Variants in RFFL observed in about 807,000 individuals in gnomAD.
RFFL encodes the protein ring finger and FYVE like domain containing E3 ubiquitin protein ligase.
In RFFL, 16 loss-of-function variants were observed where a neutral mutation model predicts 40.4. The observed-to-expected ratio is 0.40, with a 90% confidence interval of 0.27 to 0.60. The LOEUF is 0.60. Ranked by LOEUF, RFFL falls within the 20% of genes least tolerant of loss-of-function variation. RFFL has a pLI of 0.47. For missense variants in RFFL, 367 were observed against 451.7 expected, an observed-to-expected ratio of 0.81 and a Z score of 1.70; for synonymous variants, 154 against 167.9, an observed-to-expected ratio of 0.92 and a Z score of 0.64.
chr17:35,011,758 C>G lies in RFFL; in HGVS notation c.*210G>C. On this transcript the variant is annotated 3_prime_UTR_variant, in exon 7 of 7. Coordinates refer to ENST00000394597, the MANE Select transcript of RFFL (RefSeq NM_001017368.2). ...CAAGAACATACCCATGTGATTTATACAAGTTCCCACTGGCCTTGGGCTTTG... is the reference window on the plus strand; with the variant it reads ...CAAGAACATACCCATGTGATTTATAGAAGTTCCCACTGGCCTTGGGCTTTG... The G allele has an allele frequency of 1.8e-6, 1 of 570,718 alleles. No individual in the cohort carries two copies. Among genetic ancestry groups the G allele is most frequent in the Admixed American group, 3.1e-5 (1 of 32,394 alleles). The allele number at this position is 570,718 out of a possible 1,614,324, so 35.4% of individuals were successfully genotyped here. A position where few individuals can be genotyped will look rare whatever the true frequency, so the allele number is the denominator to read the frequency against.
upstream of RFFL, among the ~76,000 whole-genome samples, chr17:35,065,941 T>C (rs932923691): frequency 6.6e-6 from 1 of 152,124 alleles, no homozygotes; most frequent in African/African-American, 2.4e-5. Context: ...AACTGTGGCT[T>C]TCTGACTAAG....
intron 1 of RFFL, among the ~76,000 whole-genome samples, chr17:35,039,074 T>G (rs780337012): frequency 6.6e-6 from 1 of 151,492 alleles, no homozygotes; most frequent in Non-Finnish European, 1.5e-5. Context: ...ACACCTAATT[T>G]TTTGTATTTT....
At chr17:35,055,090 T>C (rs1050624622) in intron 1 of RFFL, among the ~76,000 whole-genome samples, 2 of 152,014 alleles carry the variant, frequency 1.3e-5, no homozygotes, top group Non-Finnish European at 2.9e-5. Flanking sequence ...GCCAATTTTT[T>C]TGTATTTTTA....
intron 2 of RFFL, among the ~76,000 whole-genome samples, chr17:35,024,886 G>A (rs984548053): frequency 6.6e-6 from 1 of 152,098 alleles, no homozygotes; most frequent in Non-Finnish European, 1.5e-5. Context: ...ACTGTAAATT[G>A]CACAAAATTA....
At chr17:35,083,601 T>A (rs992369600) in intron 1 of RFFL, among the ~76,000 whole-genome samples, 5 of 151,548 alleles carry the variant, frequency 3.3e-5, no homozygotes, top group Non-Finnish European at 7.4e-5. Flanking sequence ...GCCAACATGG[T>A]GAAACCCCAT....
intron 1 of RFFL, among the ~76,000 whole-genome samples, chr17:35,054,413 T>C (rs931931849): frequency 6.6e-6 from 1 of 152,204 alleles, no homozygotes; most frequent in African/African-American, 2.4e-5. Flanking sequence ...GCACTGACTT[T>C]GTAGTAACAA....
chr17:35,024,391 A>G (rs923500759), intron 2 of RFFL, among the ~76,000 whole-genome samples: 1 of 152,156 alleles, frequency 6.6e-6, no homozygotes, highest in Non-Finnish European at 1.5e-5. Flanking sequence ...TGAGATCTGA[A>G]TATCACTTCC....
rs527487950 is a variant in RFFL at position 35,076,795 on chromosome 17, C to T, written c.-9+12310G>A. On this transcript the variant is annotated intron_variant, in intron 1 of 6. Coordinates refer to the RFFL transcript ENST00000315249. ...CACAATAAGACGTGACAGGACGTAC[C>T]ACCTTCAGAAGTCGACCTGTGGCAA... 2.8e-5 allele frequency: 6 copies of T among 215,964 alleles called. No individual in the cohort carries two copies. The East Asian group carries it at 5.4e-4, about 19-fold the overall frequency. The allele number at this position is 215,964 out of a possible 1,614,324, so 13.4% of individuals were successfully genotyped here. A position where few individuals can be genotyped will look rare whatever the true frequency, so the allele number is the denominator to read the frequency against.
At chr17:35,038,076 T>C (rs1225187765) in intron 1 of RFFL, among the ~76,000 whole-genome samples, 1 of 151,872 alleles carries the variant, frequency 6.6e-6, no homozygotes, top group South Asian at 2.1e-4. Flanking sequence ...TCACCTGAGG[T>C]CAGAAGTTCG....
In RFFL at chr17:35,014,746, G is replaced by A. The variant is rs1019449804; in HGVS notation, c.904C>T (p.Gln302Ter). 1 of 1,613,536 alleles carries A rather than the reference G, an allele frequency of 6.2e-7. No homozygotes were observed. Among genetic ancestry groups the A allele is most frequent in the Non-Finnish European group, 8.5e-7 (1 of 1,179,598 alleles). ...AACAGAAACAACTACATACCGTTTT[G>A]GTCTTCGGCACCACTGACTGAAAAG... ...LQHLVSGAED[Q>*]NGGAVPSGLE... is the part of the protein sequence containing the mutation. The change falls in exon 6 of 7, where the codon CAA becomes TAA. Residue 302 changes from glutamine (Q) to a stop codon, truncating the protein, a stop_gained. Transcript: ENST00000394597. LOFTEE classifies it high-confidence loss of function.
At chr17:35,056,772 C>G (rs751317392) in intron 1 of RFFL, among the ~76,000 whole-genome samples, 72 of 152,324 alleles carry the variant, frequency 4.7e-4, no homozygotes, top group Middle Eastern at 3.4e-3. Flanking sequence ...AGAAGGGAGA[C>G]AAACACTTCC....
At chr17:35,036,188 ATATTTT>A (rs1335507331) in intron 1 of RFFL, 1 of 152,212 alleles carries the variant, frequency 6.6e-6, no homozygotes, top group Non-Finnish European at 1.5e-5. Flanking sequence ...TCTCTTGGGA[ATATTTT>A]TTTCATTCCT....
At chr17:35,087,150 A>C (rs1265985953) in intron 1 of RFFL, among the ~76,000 whole-genome samples, 1 of 152,176 alleles carries the variant, frequency 6.6e-6, no homozygotes, top group Non-Finnish European at 1.5e-5. Flanking sequence ...GCTTGAGCCC[A>C]GTTCATGACG....
At chr17:35,072,605 C>A (rs1303766459) in intron 1 of RFFL, among the ~76,000 whole-genome samples, 1 of 151,844 alleles carries the variant, frequency 6.6e-6, no homozygotes, top group Non-Finnish European at 1.5e-5. Context: ...ACACAGAGCA[C>A]CATGTCAGTT....
chr17:35,076,720 A>ATAATAATAATAG (rs1555564975), intron 1 of RFFL: 2 of 146,714 alleles, frequency 1.4e-5, no homozygotes, highest in South Asian at 2.1e-4. Context: ...AATAATAATA[A>ATAATAATAATAG]TAGTAACAGA....
At chr17:35,071,360 G>T (rs1355486282) in intron 1 of RFFL, among the ~76,000 whole-genome samples, 1 of 152,080 alleles carries the variant, frequency 6.6e-6, no homozygotes, top group Non-Finnish European at 1.5e-5. Flanking sequence ...GCTCACCCCT[G>T]TCATGCCAGC....
chr17:35,014,324 G>T (rs2090959877), intron 6 of RFFL, among the ~76,000 whole-genome samples: 1 of 151,988 alleles, frequency 6.6e-6, no homozygotes, highest in Non-Finnish European at 1.5e-5. Context: ...CTTTCTTTTT[G>T]GTTAGTACCA....
intron 1 of RFFL, among the ~76,000 whole-genome samples, chr17:35,030,877 A>G (rs757890101): frequency 9.9e-5 from 15 of 152,080 alleles, no homozygotes; most frequent in Non-Finnish European, 1.8e-4. Context: ...ACCTCCCTCT[A>G]ACAAGTAATA....
intron 1 of RFFL, among the ~76,000 whole-genome samples, chr17:35,052,365 G>T (rs1405633422): frequency 6.6e-6 from 1 of 152,102 alleles, no homozygotes; most frequent in African/African-American, 2.4e-5. Flanking sequence ...GTAATCACCA[G>T]TCAATTCCTA....
Sources: allele counts gnomAD v4.1 joint callset (sites outside exome capture counted in the v4.1 genomes callset), GRCh38; gene constraint gnomAD v4.1.1; transcripts MANE v1.5; gene names NCBI Gene and HGNC (gene_info 2026-07-23, HGNC 2026-07-21).